Variants in ZNF385D observed in about 807,000 individuals in gnomAD.
ZNF385D encodes zinc finger protein 659.
ZNF385D carries 15 observed loss-of-function variants against 35.8 expected under a neutral mutation model. That is an observed-to-expected ratio of 0.42 (90% CI 0.28 to 0.64). The LOEUF (loss-of-function observed/expected upper bound fraction) is 0.64, where lower values mean the gene tolerates loss of function less well. Ranked by LOEUF, ZNF385D falls within the 30% of genes least tolerant of loss-of-function variation. The pLI is 0.23. For missense variants in ZNF385D, 474 were observed against 494.6 expected (o/e 0.96, Z 0.39); for synonymous variants, 212 against 186.8 (o/e 1.13, Z -1.10).
intron 3 of ZNF385D, among the ~76,000 whole-genome samples, chr3:21,977,219 G>C (rs1317392222): frequency 1.3e-5 from 2 of 152,120 alleles, no homozygotes; most frequent in South Asian, 2.1e-4. Flanking sequence ...TCTATTATTT[G>C]ACTTAATGGT....
In ZNF385D at chr3:22,298,560, T is replaced by TACACACAC. The variant is rs758306222; in HGVS notation, c.106+73882_106+73889dup. The stretch of plus-strand genomic sequence containing the variant: ...TAAAACATTTATGTATATACACACA[T>TACACACAC]ACACACACACACACATATATGTATG... On this transcript the variant is annotated intron_variant, in intron 2 of 5. Transcript: ENST00000494108. Among the ~76,000 whole-genome samples, 181 of 142,844 alleles carry TACACACAC rather than the reference T, an allele frequency of 1.3e-3. 1 individual carries two copies. The highest frequency in any genetic ancestry group is 4.0e-3 in the African/African-American group (157 of 38,766). 93.7% of individuals were successfully genotyped at this position (142,844 alleles called of 152,430 possible).
At chr3:21,829,473 G>A (rs1694852615) in intron 3 of ZNF385D, among the ~76,000 whole-genome samples, 1 of 152,118 alleles carries the variant, frequency 6.6e-6, no homozygotes, top group Non-Finnish European at 1.5e-5. Flanking sequence ...AGAGAGAAGG[G>A]ATGGGCCCTG....
At chr3:21,883,179 A>G (rs1039277377) in intron 3 of ZNF385D, among the ~76,000 whole-genome samples, 2 of 151,900 alleles carry the variant, frequency 1.3e-5, no homozygotes, top group African/African-American at 4.8e-5. Context: ...ATGTCTTGGT[A>G]GCTTGTCTTC....
chr3:21,502,999 G>C (rs754539804), intron 4 of ZNF385D, among the ~76,000 whole-genome samples: 3 of 152,166 alleles, frequency 2.0e-5, no homozygotes, highest in Non-Finnish European at 2.9e-5. Context: ...CCAGGAGTTA[G>C]CACAATTTCC....
chr3:21,886,011 G>GA (rs776603463), intron 3 of ZNF385D, among the ~76,000 whole-genome samples: 187 of 152,116 alleles, frequency 1.2e-3, no homozygotes, highest in Non-Finnish European at 1.9e-3. Flanking sequence ...TCTTATCCAA[G>GA]AAAAAACACC....
At chr3:21,816,146 C>T (rs900138106) in intron 3 of ZNF385D, among the ~76,000 whole-genome samples, 5 of 152,152 alleles carry the variant, frequency 3.3e-5, no homozygotes, top group African/African-American at 1.2e-4. Context: ...ATGCTAAAAA[C>T]TCTCAATAAA....
rs1036597747 is a variant in ZNF385D, at chr3:21,822,541, CAT to C, written c.326-157515_326-157514del. Among the ~76,000 whole-genome samples, 61 of 152,164 alleles carry C rather than the reference CAT, an allele frequency of 4.0e-4. 1 individual carries two copies. Among genetic ancestry groups the C allele is most frequent in the Admixed American group, 3.9e-3 (59 of 15,298 alleles). ...TTTGTCATTACCTAGAAAATTTAGA[CAT>C]ATGTATCCTACAACTCACTGATTCT... is the stretch of plus-strand genomic sequence containing the variant. On this transcript the variant is annotated intron_variant, in intron 3 of 5. Transcript: ENST00000494108.
chr3:22,095,981 TAA>T (rs920086460), intron 3 of ZNF385D, among the ~76,000 whole-genome samples: 39 of 152,020 alleles, frequency 2.6e-4, no homozygotes, highest in African/African-American at 7.2e-4. Flanking sequence ...TGTAAATGAC[TAA>T]AGTCTTTGGT....
At chr3:22,219,364 T>C (rs1208248544) in intron 2 of ZNF385D, among the ~76,000 whole-genome samples, 1 of 152,108 alleles carries the variant, frequency 6.6e-6, no homozygotes, top group Non-Finnish European at 1.5e-5. Flanking sequence ...CATAGCTAAG[T>C]AGGAAAATAG....
At chr3:21,994,421 T>C (rs1695337931) in intron 3 of ZNF385D, among the ~76,000 whole-genome samples, 1 of 152,234 alleles carries the variant, frequency 6.6e-6, no homozygotes, top group Admixed American at 6.5e-5. Context: ...TTGAATTTCT[T>C]ATTCAGATAA....
intron 4 of ZNF385D, among the ~76,000 whole-genome samples, chr3:21,479,217 G>A (rs1318767908): frequency 6.6e-6 from 1 of 150,824 alleles, no homozygotes; most frequent in Non-Finnish European, 1.5e-5. Flanking sequence ...TCAATATTCA[G>A]GCAGGAAATG....
chr3:22,285,105 A>T (rs1243111509), intron 2 of ZNF385D, among the ~76,000 whole-genome samples: 2 of 152,180 alleles, frequency 1.3e-5, no homozygotes, highest in Non-Finnish European at 2.9e-5. Flanking sequence ...ATTTTTCAGC[A>T]TTGATTAGAG....
intron 3 of ZNF385D, among the ~76,000 whole-genome samples, chr3:22,038,822 T>C (rs1698490814): frequency 6.6e-6 from 1 of 151,446 alleles, no homozygotes; most frequent in African/African-American, 2.4e-5. Context: ...AAATGTGCAC[T>C]GAAGTGATGA....
intron 3 of ZNF385D, among the ~76,000 whole-genome samples, chr3:22,059,823 A>C (rs1237598675): frequency 6.6e-6 from 1 of 152,152 alleles, no homozygotes; most frequent in Admixed American, 6.5e-5. Flanking sequence ...TTGGTAAAAC[A>C]TTATTTCTGG....
At chr3:22,016,491 G>C (rs1696894987) in intron 3 of ZNF385D, among the ~76,000 whole-genome samples, 2 of 152,012 alleles carry the variant, frequency 1.3e-5, no homozygotes, top group African/African-American at 4.8e-5. Flanking sequence ...CTGTCTCTTT[G>C]AGATTAGGTA....
chr3:22,215,716 T>G (rs1697833570), intron 2 of ZNF385D, among the ~76,000 whole-genome samples: 1 of 152,060 alleles, frequency 6.6e-6, no homozygotes, highest in African/African-American at 2.4e-5. Context: ...TTCTATTACC[T>G]TGTGAAGCAT....
chr3:22,213,679 T>A (rs1046517588), intron 2 of ZNF385D, among the ~76,000 whole-genome samples: 1 of 152,032 alleles, frequency 6.6e-6, no homozygotes, highest in Non-Finnish European at 1.5e-5. Flanking sequence ...ATATTGTTCA[T>A]TAAGTCACTA....
intron 2 of ZNF385D, among the ~76,000 whole-genome samples, chr3:22,179,906 A>T (rs1172366558): frequency 3.3e-5 from 5 of 152,230 alleles, no homozygotes; most frequent in Non-Finnish European, 5.9e-5. Context: ...CACATTCAAA[A>T]GCTAGCAGAA....
chr3:21,983,845 A>T (rs1318996051), intron 3 of ZNF385D, among the ~76,000 whole-genome samples: 1 of 102,946 alleles, frequency 9.7e-6, no homozygotes, highest in Non-Finnish European at 1.9e-5. Context: ...TGACTTTTTA[A>T]TGATTGCCAT....
Sources: gnomAD v4.1 joint callset for allele counts (sites outside exome capture counted in the v4.1 genomes callset) on GRCh38, gnomAD v4.1.1 for gene constraint, MANE v1.5 for transcripts, NCBI Gene and HGNC (gene_info 2026-07-23, HGNC 2026-07-21) for gene names.